The following SH2D4A variants were observed in gnomAD, a reference collection of about 807,000 sequenced individuals.
The protein encoded by SH2D4A is SH2 domain-containing protein 4A.
Under a neutral mutation model 64.7 loss-of-function variants are expected in SH2D4A, and 70 were observed. The observed-to-expected ratio is 1.08, with a 90% CI of 0.89 to 1.32. SH2D4A has a LOEUF of 1.32. SH2D4A is among the 40% of genes most tolerant of loss of function. SH2D4A has a pLI of 0.00. For synonymous variants in SH2D4A, 268 were observed against 200.7 expected, an observed-to-expected ratio of 1.34 and a Z score of -2.83; for missense variants, 706 against 540.1, an observed-to-expected ratio of 1.31 and a Z score of -3.04.
At chr8:19,330,548 G>A (rs1178689930) in intron 2 of SH2D4A, among the ~76,000 whole-genome samples, 1 of 151,958 alleles carries the variant, frequency 6.6e-6, no homozygotes, top group East Asian at 1.9e-4. Context: ...GTTTAGCTTT[G>A]AAGCCCCAAC....
intron 1 of SH2D4A, 53 bp downstream of exon 1, chr8:19,313,876 G>A: frequency 7.1e-7 from 1 of 1,399,386 alleles, no homozygotes; most frequent in Non-Finnish European, 9.3e-7. Flanking sequence ...TGGGGTGGGA[G>A]TAGGGGGAAG....
intron 1 of SH2D4A, among the ~76,000 whole-genome samples, chr8:19,315,348 C>T (rs1585137470): frequency 6.6e-6 from 1 of 152,184 alleles, no homozygotes; most frequent in Admixed American, 6.5e-5. Context: ...GTTGCCCAAG[C>T]AGGTCTTGAA....
chr8:19,317,748 C>G (rs748551996), intron 1 of SH2D4A, among the ~76,000 whole-genome samples: 13 of 152,174 alleles, frequency 8.5e-5, no homozygotes, highest in Non-Finnish European at 1.3e-4. Flanking sequence ...ACCAACAACA[C>G]TACGATGGTC....
At chr8:19,334,931 A>G (rs1251946482) in intron 4 of SH2D4A, 74 bp downstream of exon 4, 1 of 1,456,898 alleles carries the variant, frequency 6.9e-7, no homozygotes, top group African/African-American at 1.4e-5. Context: ...CACAGAGACT[A>G]CTGTGGCTGA....
intron 7 of SH2D4A, among the ~76,000 whole-genome samples, chr8:19,372,413 A>G (rs2053117787): frequency 6.6e-6 from 1 of 152,166 alleles, no homozygotes; most frequent in Non-Finnish European, 1.5e-5. Flanking sequence ...GACTGTTTTA[A>G]TGACCCAGAC....
At chr8:19,344,350 G>C (rs989493032) in intron 4 of SH2D4A, among the ~76,000 whole-genome samples, 1 of 152,118 alleles carries the variant, frequency 6.6e-6, no homozygotes, top group Non-Finnish European at 1.5e-5. Context: ...ATTCCTTGCT[G>C]GGCATCAACC....
intron 4 of SH2D4A, among the ~76,000 whole-genome samples, chr8:19,351,711 T>G (rs1340191817): frequency 6.6e-6 from 1 of 152,166 alleles, no homozygotes; most frequent in Non-Finnish European, 1.5e-5. Context: ...CCTGACAATG[T>G]TCTGTTTGTT....
chr8:19,366,919 C>A (rs2053006629), intron 7 of SH2D4A, among the ~76,000 whole-genome samples: 1 of 152,160 alleles, frequency 6.6e-6, no homozygotes, highest in Non-Finnish European at 1.5e-5. Context: ...TTGCAAATGA[C>A]AGGACATTAT....
At position 19,393,430 on chromosome 8, in the gene SH2D4A, G is replaced by T. The variant is rs117786890; in HGVS notation, c.1161G>T (p.Ser387=). 51 of 1,614,192 alleles carry T rather than the reference G, an allele frequency of 3.2e-5. 1 individual carries two copies. The South Asian group carries it at 5.1e-4, about 16-fold the overall frequency. The stretch of plus-strand genomic sequence containing the variant: ...AAGGCTATGCCCTGTCCTATCTGTC[G>T]GAGGACGGCTGTAAACATTTCCTCA... ...RIKGYALSYL[S]EDGCKHFLID... Residue 387 remains serine (S), a synonymous_variant, in exon 9 of 10, where the codon TCG becomes TCT. Transcript: ENST00000265807.
chr8:19,348,690 T>G (rs2052649635), intron 4 of SH2D4A, among the ~76,000 whole-genome samples: 1 of 152,244 alleles, frequency 6.6e-6, no homozygotes, highest in African/African-American at 2.4e-5. Flanking sequence ...CTCATTCATC[T>G]CAAAGTGTTA....
chr8:19,322,470 C>T (rs926459587), intron 2 of SH2D4A, among the ~76,000 whole-genome samples: 1 of 152,052 alleles, frequency 6.6e-6, no homozygotes, highest in Non-Finnish European at 1.5e-5. Flanking sequence ...ATTCCTTGAC[C>T]CCCTCTAGCT....
chr8:19,391,968 G>A (rs937103335), intron 8 of SH2D4A, among the ~76,000 whole-genome samples: 3 of 152,178 alleles, frequency 2.0e-5, no homozygotes, highest in African/African-American at 7.2e-5. Context: ...CGCGTAGAAC[G>A]CTGCTCCTCC....
intron 8 of SH2D4A, among the ~76,000 whole-genome samples, chr8:19,374,876 C>T (rs2053167538): frequency 6.6e-6 from 1 of 152,098 alleles, no homozygotes; most frequent in African/African-American, 2.4e-5. Context: ...TAATGCCTTG[C>T]TTTCCTTTTT....
intron 4 of SH2D4A, among the ~76,000 whole-genome samples, chr8:19,349,445 T>G (rs981498706): frequency 6.6e-6 from 1 of 152,152 alleles, no homozygotes; most frequent in African/African-American, 2.4e-5. Flanking sequence ...GAAAAACATA[T>G]TTCTAGTCTT....
Position 19,364,273 on chromosome 8 carries a change from A to C in SH2D4A, c.908A>C (p.Lys303Thr), listed in dbSNP as rs35319139. Residue 303 changes from lysine to threonine, a missense_variant, in exon 7 of 10, where the codon AAA (lysine) becomes ACA (threonine). Physicochemically the swap from Lys to Thr is moderately conservative, Grantham distance 78. Transcript: ENST00000265807. ...CTAAACTCAGGGGCATATCCTCAAA[A>C]ACCTCTTAGGTAAGAAGCCACACAG... is the stretch of plus-strand genomic sequence containing the variant. ...QFLNSGAYPQ[K>T]PLRNQGVVRT... 6.2e-7 allele frequency: 1 copy of C among 1,614,064 alleles called. No individual in the cohort carries two copies. The highest frequency in any genetic ancestry group is 1.1e-5 in the South Asian group (1 of 91,084).
intron 4 of SH2D4A, among the ~76,000 whole-genome samples, chr8:19,342,314 A>G (rs1024981657): frequency 6.6e-6 from 1 of 152,226 alleles, no homozygotes; most frequent in African/African-American, 2.4e-5. Context: ...ACTTGGGGTA[A>G]ATCCTACAGT....
intron 4 of SH2D4A, among the ~76,000 whole-genome samples, chr8:19,339,495 C>CTTTTTTTTTTTTT (rs5889867): frequency 4.7e-5 from 6 of 129,026 alleles, no homozygotes; most frequent in Non-Finnish European, 7.8e-5. Flanking sequence ...TATAAACTTT[C>CTTTTTTTTTTTTT]TTTTTTTTTT....
chr8:19,351,632 A>C (rs2117257125), intron 4 of SH2D4A, among the ~76,000 whole-genome samples: 1 of 152,198 alleles, frequency 6.6e-6, no homozygotes. Flanking sequence ...AACAAAAACA[A>C]AAACAAAAAT....
chr8:19,394,287 C>A (rs1433940230), intron 9 of SH2D4A, among the ~76,000 whole-genome samples: 1 of 152,192 alleles, frequency 6.6e-6, no homozygotes, highest in African/African-American at 2.4e-5. Context: ...TTCTAACAGG[C>A]CACAGACTGG....
Sources: gnomAD v4.1 joint callset for allele counts (sites outside exome capture counted in the v4.1 genomes callset) on GRCh38, gnomAD v4.1.1 for gene constraint, MANE v1.5 for transcripts, NCBI Gene and HGNC (gene_info 2026-07-23, HGNC 2026-07-21) for gene names.